RP1L1: variants seen among roughly 807,000 people sequenced by gnomAD.
RP1L1 encodes the protein RP1 like 1.
Under a neutral mutation model 15.7 loss-of-function variants are expected in RP1L1, and 27 were observed. The observed-to-expected ratio is 1.72, with a 90% CI of 1.27 to 2.38. The LOEUF (loss-of-function observed/expected upper bound fraction) is 2.38. Among genes scored for constraint, RP1L1 ranks in the 30% most tolerant of loss-of-function variants. The pLI, the probability that RP1L1 is intolerant of heterozygous loss-of-function variation, is 0.00. For missense variants in RP1L1, 4,798 were observed against 3,075.9 expected, an observed-to-expected ratio of 1.56 and a Z score of -13.24; for synonymous variants, 1,813 against 1,276.7, an observed-to-expected ratio of 1.42 and a Z score of -8.96.
intron 2 of RP1L1, among the ~76,000 whole-genome samples, chr8:10,622,076 C>T (rs1007192095): frequency 1.3e-5 from 2 of 152,076 alleles, no homozygotes; most frequent in South Asian, 2.1e-4. Flanking sequence ...AATCCCAGCA[C>T]TTTGGGAGGC....
At chr8:10,652,530 G>T (rs571256637) in intron 1 of RP1L1, among the ~76,000 whole-genome samples, 1 of 152,174 alleles carries the variant, frequency 6.6e-6, no homozygotes, top group Non-Finnish European at 1.5e-5. Flanking sequence ...AAAGAATCTG[G>T]GGCTTGGAAA....
At chr8:10,652,710 C>G (rs536056130) in intron 1 of RP1L1, among the ~76,000 whole-genome samples, 1 of 152,222 alleles carries the variant, frequency 6.6e-6, no homozygotes, top group South Asian at 2.1e-4. Context: ...ATCTGAACAC[C>G]AAGATTCCAT....
Position 10,609,160 on chromosome 8 carries a change from C to T in RP1L1, c.4938G>A (p.Gln1646=). ...EPALSTALGS[Q]LGEEAEGEEF... ...CCTCCCCCTCCGCCTCCTCGCCCAG[C>T]TGGCTCCCCAGGGCTGTGCTGAGGG... is the stretch of plus-strand genomic sequence containing the variant. The change falls in exon 4 of 4, where the codon CAG becomes CAA. Residue 1646 remains glutamine, a synonymous_variant. Coordinates refer to ENST00000382483, the MANE Select transcript of RP1L1 (RefSeq NM_178857.6). 6.2e-7 allele frequency: 1 copy of T among 1,613,346 alleles called. No homozygotes were observed.
intron 1 of RP1L1, among the ~76,000 whole-genome samples, chr8:10,636,967 C>T (rs1452319726): frequency 1.3e-5 from 2 of 152,198 alleles, no homozygotes; most frequent in African/African-American, 2.4e-5. Context: ...CCTTCCCTGC[C>T]CTGAGGCCCT....
chr8:10,616,453 G>T lies in RP1L1; in HGVS notation c.744C>A (p.Asn248Lys), dbSNP rs1300048849. ...AETLSGLTSR[N>K]KNGSWGPKTK... ...ACCCAAAAACCAACTCACCGTTTTT[G>T]TTTCTTGAAGTCAGCCCAGATAAAG... The change falls in exon 3 of 4, where the codon AAC becomes AAA. Residue 248 changes from asparagine to lysine, a missense_variant. Physicochemically the swap from Asn to Lys is moderately conservative, Grantham distance 94 (BLOSUM62 0). Coordinates refer to ENST00000382483, the MANE Select transcript of RP1L1 (RefSeq NM_178857.6). 1.2e-6 allele frequency: 2 copies of T among 1,614,214 alleles called. No homozygotes were observed. The highest frequency in any genetic ancestry group is 1.7e-6 in the Non-Finnish European group (2 of 1,180,028).
chr8:10,613,183 A>T lies in RP1L1; in HGVS notation c.915T>A (p.Ala305=). The T allele has an allele frequency of 6.2e-7, 1 of 1,613,652 alleles. No homozygotes were observed. The highest frequency in any genetic ancestry group is 1.1e-5 in the South Asian group (1 of 91,088). The change falls in exon 4 of 4, where the codon GCT becomes GCA. Residue 305 remains alanine (A), a synonymous_variant. Transcript: ENST00000382483. The part of the protein sequence containing the change: ...DTPAQSGPLV[A]GDDMKKKVRM... ...GGACCTTCTTCTTCATGTCATCGCC[A>T]GCCACCAGCGGGCCCGACTGAGCTG...
intron 3 of RP1L1, among the ~76,000 whole-genome samples, chr8:10,616,105 C>A (rs990733419): frequency 2.0e-5 from 3 of 152,054 alleles, no homozygotes; most frequent in African/African-American, 4.8e-5. Flanking sequence ...GACAGTGTCT[C>A]ATTATGTTGC....
Position 10,608,353 on chromosome 8 carries a change from G to C in RP1L1, c.5745C>G (p.Ala1915=), listed in dbSNP as rs1366334052. 1.9e-6 allele frequency: 3 copies of C among 1,609,676 alleles called. No homozygotes were observed. Among genetic ancestry groups the C allele is most frequent in the African/African-American group, 2.7e-5 (2 of 73,176 alleles). ...GAEAPEAEKE[A]QPETESVEAL... ...CCTCTACACTTTCTGTCTCTGGCTG[G>C]GCCTCCTTTTCTGCCTCCGGGGCTT... The change falls in exon 4 of 4, where the codon GCC becomes GCG. Residue 1915 remains alanine (A), a synonymous_variant. Transcript: ENST00000382483.
At chr8:10,635,670 C>G (rs185880417) in intron 1 of RP1L1, among the ~76,000 whole-genome samples, 1 of 152,176 alleles carries the variant, frequency 6.6e-6, no homozygotes, top group Non-Finnish European at 1.5e-5. Context: ...TTCCTTCCCT[C>G]GTGACACAGA....
At chr8:10,624,347 C>A (rs1288198591) in intron 1 of RP1L1, among the ~76,000 whole-genome samples, 1 of 152,208 alleles carries the variant, frequency 6.6e-6, no homozygotes, top group Non-Finnish European at 1.5e-5. Context: ...CACACAATAA[C>A]AAATGTTCTG....
chr8:10,622,531 G>C (rs1045309758), intron 2 of RP1L1, 62 bp downstream of exon 2: 1 of 1,605,736 alleles, frequency 6.2e-7, no homozygotes, highest in South Asian at 1.1e-5. Flanking sequence ...TCTTCCATGT[G>C]AGTATTTTGA....
At chr8:10,620,737 G>C (rs182673799) in intron 2 of RP1L1, among the ~76,000 whole-genome samples, 1 of 152,214 alleles carries the variant, frequency 6.6e-6, no homozygotes, top group Admixed American at 6.5e-5. Context: ...GGGGTGGCTG[G>C]TTCTGATTGT....
At position 10,612,691 on chromosome 8, in the gene RP1L1, G is replaced by T; in HGVS notation, c.1407C>A (p.Ser469=). 6.2e-7 allele frequency: 1 copy of T among 1,603,292 alleles called. No homozygotes were observed. The highest frequency in any genetic ancestry group is 8.5e-7 in the Non-Finnish European group (1 of 1,178,226). ...TGLPEGSEPE[S]SCCPRTPEDG... is the part of the protein sequence containing the mutation. ...CCTCCGGGGTCCTGGGGCAGCAGGA[G>T]GACTCTGGCTCCGAGCCCTCGGGGA... Residue 469 remains serine (S), a synonymous_variant, in exon 4 of 4, where the codon TCC becomes TCA. Coordinates refer to ENST00000382483, the MANE Select transcript of RP1L1 (RefSeq NM_178857.6).
chr8:10,648,723 A>T (rs574007525), intron 1 of RP1L1, among the ~76,000 whole-genome samples: 38 of 152,338 alleles, frequency 2.5e-4, no homozygotes, highest in African/African-American at 7.9e-4. Flanking sequence ...TCTGACTTTT[A>T]TGTGGGCTTA....
At chr8:10,613,493 G>T in intron 3 of RP1L1, 147 bp from the exon 4 acceptor site, 2 of 1,235,140 alleles carry the variant, frequency 1.6e-6, no homozygotes, top group Non-Finnish European at 2.3e-6. Flanking sequence ...GCTGTGCGCG[G>T]TGGCTCAGGC....
At chr8:10,615,259 T>A (rs897983765) in intron 3 of RP1L1, among the ~76,000 whole-genome samples, 3 of 152,216 alleles carry the variant, frequency 2.0e-5, no homozygotes, top group African/African-American at 4.8e-5. Context: ...AGTACTTTGT[T>A]TACTCGCCAA....
chr8:10,648,894 A>C (rs942235206), intron 1 of RP1L1, among the ~76,000 whole-genome samples: 2 of 152,226 alleles, frequency 1.3e-5, no homozygotes, highest in African/African-American at 4.8e-5. Flanking sequence ...TGATGGTCTC[A>C]TCCTCACGGC....
intron 1 of RP1L1, among the ~76,000 whole-genome samples, chr8:10,644,895 A>G: frequency 6.6e-6 from 1 of 152,250 alleles, no homozygotes; most frequent in East Asian, 1.9e-4. Flanking sequence ...TATTACCAAT[A>G]ACGGTGAAAA....
At chr8:10,652,600 G>A (rs992148074) in intron 1 of RP1L1, among the ~76,000 whole-genome samples, 4 of 151,998 alleles carry the variant, frequency 2.6e-5, no homozygotes, top group African/African-American at 7.3e-5. Context: ...CTCTTTGAAC[G>A]AAAGTCTTGT....
Sources: gnomAD v4.1 joint callset for allele counts (sites outside exome capture counted in the v4.1 genomes callset) on GRCh38, gnomAD v4.1.1 for gene constraint, MANE v1.5 for transcripts, NCBI Gene and HGNC (gene_info 2026-07-23, HGNC 2026-07-21) for gene names.